Variants in DPYD observed in about 807,000 individuals in gnomAD.
The protein encoded by DPYD is dihydropyrimidine dehydrogenase [NADP(+)].
DPYD carries 109 observed loss-of-function variants against 116.2 expected under a neutral mutation model. The observed-to-expected ratio is 0.94, with a 90% CI of 0.80 to 1.10. DPYD has a LOEUF of 1.10. Among genes scored for constraint, DPYD ranks in the 50% least tolerant of loss-of-function variants. The pLI is 0.00. For missense variants in DPYD, 1,302 were observed against 1,254.5 expected (o/e 1.04, Z -0.57); for synonymous variants, 440 against 432.0 (o/e 1.02, Z -0.23).
At chr1:97,823,964 T>C (rs553265959) in intron 3 of DPYD, among the ~76,000 whole-genome samples, 16 of 149,572 alleles carry the variant, frequency 1.1e-4, no homozygotes, top group Admixed American at 3.4e-4. Flanking sequence ...TGATTGAACA[T>C]GTCCTGAACT....
At chr1:97,561,110 GTAGATT>G (rs1190723517) in intron 11 of DPYD, among the ~76,000 whole-genome samples, 2 of 152,218 alleles carry the variant, frequency 1.3e-5, no homozygotes, top group Non-Finnish European at 2.9e-5. Context: ...GACAGCATTT[GTAGATT>G]TAGAACAACA....
In DPYD at chr1:97,539,702, T is replaced by C. The variant is rs138146426; in HGVS notation, c.1524+9858A>G. Among the ~76,000 whole-genome samples the C allele has an allele frequency of 8.9e-4, 135 of 152,306 alleles. 1 individual carries two copies. The highest frequency in any genetic ancestry group is 3.1e-3 in the African/African-American group (130 of 41,584). ...GTTAGTTTTGTGATTATAATTTCTA[T>C]AAAGATCAACATTATTTGACAAAAT... is the stretch of plus-strand genomic sequence containing the variant. On this transcript the variant is annotated intron_variant, in intron 12 of 22. Coordinates refer to ENST00000370192, the MANE Select transcript of DPYD (RefSeq NM_000110.4).
chr1:97,809,609 G>A (rs1003211545), intron 3 of DPYD, among the ~76,000 whole-genome samples: 1 of 152,192 alleles, frequency 6.6e-6, no homozygotes, highest in Non-Finnish European at 1.5e-5. Context: ...TTGGGAGTAA[G>A]CTAACTTCTG....
intron 8 of DPYD, among the ~76,000 whole-genome samples, chr1:97,597,275 G>T (rs561678878): frequency 1.1e-4 from 17 of 152,262 alleles, no homozygotes; most frequent in Admixed American, 4.6e-4. Context: ...AAGGTCCACG[G>T]AGCCCTCCTC....
At chr1:97,671,442 T>C (rs1331141245) in intron 8 of DPYD, among the ~76,000 whole-genome samples, 1 of 152,178 alleles carries the variant, frequency 6.6e-6, no homozygotes. Flanking sequence ...AAAGTAGGAA[T>C]GACTTAAGAG....
intron 16 of DPYD, among the ~76,000 whole-genome samples, chr1:97,349,942 A>AT (rs1288829248): frequency 4.9e-3 from 354 of 72,888 alleles, no homozygotes; most frequent in African/African-American, 0.014. Context: ...TTCTAAAAGA[A>AT]TCCAAAAAAA....
intron 16 of DPYD, among the ~76,000 whole-genome samples, chr1:97,307,818 T>C (rs1330133616): frequency 6.6e-6 from 1 of 151,902 alleles, no homozygotes; most frequent in African/African-American, 2.4e-5. Flanking sequence ...GCATTGGTAT[T>C]ATGAAGGCAG....
intron 18 of DPYD, among the ~76,000 whole-genome samples, chr1:97,272,528 CTT>C (rs1664652746): frequency 6.6e-6 from 1 of 152,126 alleles, no homozygotes; most frequent in African/African-American, 2.4e-5. Context: ...TACTGGAAAA[CTT>C]TGTTCAATCC....
chr1:97,783,696 T>C (rs1477572375), intron 3 of DPYD, among the ~76,000 whole-genome samples: 1 of 152,200 alleles, frequency 6.6e-6, no homozygotes, highest in Non-Finnish European at 1.5e-5. Context: ...CCAGCCTTGT[T>C]ATTTTATTTT....
At chr1:97,482,068 A>G (rs761375973) in intron 13 of DPYD, among the ~76,000 whole-genome samples, 34 of 152,192 alleles carry the variant, frequency 2.2e-4, no homozygotes, top group Non-Finnish European at 4.3e-4. Flanking sequence ...ATTACATTAA[A>G]AGTTATAACA....
rs371478594 is a variant in DPYD, at chr1:97,079,180, G to C, written c.2908-34C>G. 3.0e-5 allele frequency: 48 copies of C among 1,610,036 alleles called. No homozygotes were observed. The African/African-American group carries it at 6.3e-4, about 21-fold the overall frequency. On this transcript the variant is annotated intron_variant, in intron 22 of 22. Transcript: ENST00000370192. ...AGAAATAGAGGGTATTGATGTCACT[G>C]ACCACAAAGGTCAACAATGTCCCCA... is the stretch of plus-strand genomic sequence containing the variant.
At chr1:97,142,218 T>C (rs1200737625) in intron 20 of DPYD, among the ~76,000 whole-genome samples, 1 of 152,176 alleles carries the variant, frequency 6.6e-6, no homozygotes, top group Non-Finnish European at 1.5e-5. Flanking sequence ...TATTGGGCCT[T>C]TTATGGTGCA....
At chr1:97,394,698 A>T (rs1672916556) in intron 14 of DPYD, among the ~76,000 whole-genome samples, 1 of 152,048 alleles carries the variant, frequency 6.6e-6, no homozygotes, top group Non-Finnish European at 1.5e-5. Flanking sequence ...GATTGCCACA[A>T]ACCTTCAATT....
chr1:97,601,882 T>A (rs1281061082), intron 8 of DPYD, among the ~76,000 whole-genome samples: 1 of 152,028 alleles, frequency 6.6e-6, no homozygotes, highest in Non-Finnish European at 1.5e-5. Flanking sequence ...TCACCATGCA[T>A]CACAATAATA....
intron 1 of DPYD, among the ~76,000 whole-genome samples, chr1:97,909,300 A>G (rs1433132325): frequency 6.6e-6 from 1 of 152,012 alleles, no homozygotes; most frequent in Non-Finnish European, 1.5e-5. Flanking sequence ...ACCTTATATT[A>G]TCAATCCTAT....
chr1:97,459,052 T>TA (rs1676865755), intron 13 of DPYD, among the ~76,000 whole-genome samples: 1 of 152,030 alleles, frequency 6.6e-6, no homozygotes, highest in Non-Finnish European at 1.5e-5. Flanking sequence ...TTATCAGATG[T>TA]AAAATATAAA....
chr1:97,827,413 G>A (rs1402168606), intron 3 of DPYD, among the ~76,000 whole-genome samples: 4 of 152,022 alleles, frequency 2.6e-5, no homozygotes, highest in Admixed American at 1.3e-4. Flanking sequence ...TCACTCTGTG[G>A]ATGATGAGTT....
intron 18 of DPYD, among the ~76,000 whole-genome samples, chr1:97,244,101 ATAAT>A (rs1240162507): frequency 3.9e-5 from 6 of 152,116 alleles, no homozygotes; most frequent in Non-Finnish European, 7.4e-5. Context: ...TTTACTAGGC[ATAAT>A]TAGTCTATAT....
chr1:97,596,105 A>C (rs183879462), intron 8 of DPYD, among the ~76,000 whole-genome samples: 36 of 152,234 alleles, frequency 2.4e-4, no homozygotes, highest in Admixed American at 1.5e-3. Flanking sequence ...AGAGAGTACC[A>C]GAATGTCAGG....
Sources: allele counts gnomAD v4.1 joint callset (sites outside exome capture counted in the v4.1 genomes callset), GRCh38; gene constraint gnomAD v4.1.1; transcripts MANE v1.5; gene names NCBI Gene and HGNC (gene_info 2026-07-23, HGNC 2026-07-21).